ROPN1: variants seen among roughly 807,000 people sequenced by gnomAD.
ROPN1 encodes the protein ropporin-1A.
A neutral mutation model predicts 20.5 loss-of-function variants in ROPN1; 14 were observed. That is an observed-to-expected ratio of 0.68 (90% confidence interval 0.45 to 1.07). ROPN1 has a LOEUF of 1.07. Ranked by LOEUF, ROPN1 falls within the 50% of genes least tolerant of loss-of-function variation. The pLI, the probability that ROPN1 is intolerant of heterozygous loss-of-function variation, is 0.00. For missense variants in ROPN1, 169 were observed against 242.8 expected, an observed-to-expected ratio of 0.70 and a Z score of 2.02; for synonymous variants, 76 against 95.7, an observed-to-expected ratio of 0.79 and a Z score of 1.20.
intron 5 of ROPN1, among the ~76,000 whole-genome samples, chr3:123,969,803 T>G (rs1383019389): frequency 1.3e-5 from 2 of 152,218 alleles, no homozygotes; most frequent in African/African-American, 4.8e-5. Flanking sequence ...AACATCTTCT[T>G]AGGTGCTGCT....
intron 4 of ROPN1, among the ~76,000 whole-genome samples, chr3:123,974,305 C>T (rs1033209906): frequency 2.0e-5 from 3 of 152,180 alleles, no homozygotes; most frequent in Admixed American, 2.0e-4. Context: ...CCAGTCCTGA[C>T]TGACAACTCA....
At chr3:123,981,154 A>G (rs1455789260) in intron 1 of ROPN1, among the ~76,000 whole-genome samples, 2 of 152,246 alleles carry the variant, frequency 1.3e-5, no homozygotes, top group African/African-American at 4.8e-5. Context: ...ACAAATAAAC[A>G]ACAGATCAAA....
In ROPN1 at chr3:123,977,020, CA is replaced by C. The variant is rs111724719; in HGVS notation, c.117-40del. The C allele has an allele frequency of 0.04, 62,617 of 1,547,086 alleles. 7,582 individuals are homozygous for C. In the East Asian group the frequency reaches 0.42, roughly 10 times the overall value. Reference sequence around the variant, plus strand: ...AGTCAGAGAGTAGGAGGATCCTATACACCAGTGGCCTCTGGCTGTTCTAGCA... The same window carrying C: ...AGTCAGAGAGTAGGAGGATCCTATACCCAGTGGCCTCTGGCTGTTCTAGCA... On this transcript the variant is annotated intron_variant, in intron 2 of 5. Transcript: ENST00000405845.
intron 1 of ROPN1, among the ~76,000 whole-genome samples, chr3:123,983,758 G>A (rs186174747): frequency 9.2e-4 from 140 of 151,928 alleles, no homozygotes; most frequent in African/African-American, 3.1e-3. Context: ...TAAGTGCCAG[G>A]TGCACTCATA....
intron 2 of ROPN1, 92 bp downstream of exon 2, chr3:123,980,273 TC>T (rs772150483): frequency 8.6e-7 from 1 of 1,168,102 alleles, no homozygotes. Context: ...AGTCCGGACT[TC>T]CTAGCTGCAG....
rs546103793 is a variant in ROPN1 at position 123,985,077 on chromosome 3, T to C, written c.-12-4584A>G. 2.0e-5 allele frequency among the ~76,000 whole-genome samples: 3 copies of C among 152,390 alleles called. No individual in the cohort carries two copies. In the East Asian group the frequency reaches 5.8e-4, roughly 29 times the overall value. ...TGGGCTACAGGTGTGCCATGAAAGA[T>C]TGATGGTTGTAAACTTTTTATAGTA... On this transcript the variant is annotated intron_variant, in intron 1 of 5. Transcript: ENST00000405845.
chr3:123,971,161 T>G (rs934060286), intron 4 of ROPN1, among the ~76,000 whole-genome samples: 15 of 152,138 alleles, frequency 9.9e-5, no homozygotes, highest in African/African-American at 3.6e-4. Context: ...AGAGGAGACT[T>G]GTCCTGCCTT....
In ROPN1 at chr3:123,970,225, A is replaced by G; in HGVS notation, c.397-8T>C. On this transcript the variant is annotated splice_region_variant and splice_polypyrimidine_tract_variant and intron_variant, in intron 4 of 5. Transcript: ENST00000405845. ...GAGAGTTTTGGTAATAGTCTATAAA[A>G]GTTAGATAAAATGAGGAGAAAGTTA... 1 of 1,610,930 alleles carries G rather than the reference A, an allele frequency of 6.2e-7. No homozygotes were observed. Among genetic ancestry groups the G allele is most frequent in the Non-Finnish European group, 8.5e-7 (1 of 1,177,674 alleles).
chr3:123,973,002 C>A (rs937508195), intron 4 of ROPN1, among the ~76,000 whole-genome samples: 4 of 152,302 alleles, frequency 2.6e-5, no homozygotes, highest in Non-Finnish European at 5.9e-5. Flanking sequence ...ATGATGCCTT[C>A]TATGTGTCCT....
At chr3:123,990,784 A>G (rs748305658) in intron 1 of ROPN1, among the ~76,000 whole-genome samples, 2 of 152,216 alleles carry the variant, frequency 1.3e-5, no homozygotes, top group Non-Finnish European at 2.9e-5. Flanking sequence ...ATGCCTCTCA[A>G]TGTAAAATGG....
At chr3:123,982,115 T>C (rs78840652) in intron 1 of ROPN1, among the ~76,000 whole-genome samples, 1 of 152,004 alleles carries the variant, frequency 6.6e-6, no homozygotes, top group South Asian at 2.1e-4. Flanking sequence ...GAAAAGAGTA[T>C]AAATAAGCAA....
intron 1 of ROPN1, among the ~76,000 whole-genome samples, chr3:123,983,847 A>ATAT (rs2038200076): frequency 1.3e-5 from 2 of 152,360 alleles, no homozygotes; most frequent in Admixed American, 6.5e-5. Flanking sequence ...GGGGTAGAAT[A>ATAT]TATTAGCATT....
At chr3:123,981,588 A>G (rs1031933223) in intron 1 of ROPN1, among the ~76,000 whole-genome samples, 3 of 152,230 alleles carry the variant, frequency 2.0e-5, no homozygotes, top group Non-Finnish European at 4.4e-5. Flanking sequence ...GTAAGCAACA[A>G]AGAAACCTGT....
chr3:123,984,853 C>T (rs897902715), intron 1 of ROPN1, among the ~76,000 whole-genome samples: 4 of 152,126 alleles, frequency 2.6e-5, no homozygotes, highest in East Asian at 1.9e-4. Context: ...TAATTCTAGC[C>T]GGCTTACTTG....
At chr3:123,981,878 A>C (rs773187773) in intron 1 of ROPN1, among the ~76,000 whole-genome samples, 4 of 152,192 alleles carry the variant, frequency 2.6e-5, no homozygotes, top group Non-Finnish European at 5.9e-5. Context: ...TAGAGAGGAA[A>C]AAAGGAATTT....
intron 1 of ROPN1, among the ~76,000 whole-genome samples, chr3:123,988,404 C>T (rs989654508): frequency 4.6e-5 from 7 of 152,154 alleles, no homozygotes; most frequent in African/African-American, 1.7e-4. Context: ...CTTCCTACTT[C>T]TGATTTCATT....
intron 2 of ROPN1, among the ~76,000 whole-genome samples, chr3:123,977,517 G>T (rs907921977): frequency 3.3e-5 from 5 of 152,130 alleles, no homozygotes; most frequent in African/African-American, 1.2e-4. Flanking sequence ...TCCAGACTGG[G>T]TGACAGAGTG....
chr3:123,988,883 A>T (rs975642353), intron 1 of ROPN1, among the ~76,000 whole-genome samples: 3 of 151,988 alleles, frequency 2.0e-5, no homozygotes, highest in African/African-American at 7.3e-5. Flanking sequence ...ATAAGTGTCA[A>T]GAAGCCTGCA....
intron 1 of ROPN1, among the ~76,000 whole-genome samples, chr3:123,986,364 C>T (rs1652536073): frequency 2.0e-5 from 3 of 151,924 alleles, no homozygotes. Flanking sequence ...ACAAAAGTTC[C>T]TGAAATGACC....
Sources: gnomAD v4.1 joint callset for allele counts (sites outside exome capture counted in the v4.1 genomes callset) on GRCh38, gnomAD v4.1.1 for gene constraint, MANE v1.5 for transcripts, NCBI Gene and HGNC (gene_info 2026-07-23, HGNC 2026-07-21) for gene names.